The following C8orf34 variants were observed in gnomAD, a reference collection of about 807,000 sequenced individuals.
The protein encoded by C8orf34 is chromosome 8 open reading frame 34.
Under a neutral mutation model 68.3 loss-of-function variants are expected in C8orf34, and 65 were observed. That is an observed-to-expected ratio of 0.95 (90% CI 0.78 to 1.17). The LOEUF (loss-of-function observed/expected upper bound fraction) is 1.17. C8orf34 is among the 50% of genes most tolerant of loss of function. The pLI is 0.00. For synonymous variants in C8orf34, 244 were observed against 241.2 expected, an observed-to-expected ratio of 1.01 and a Z score of -0.11; for missense variants, 664 against 655.4, an observed-to-expected ratio of 1.01 and a Z score of -0.14.
intron 11 of C8orf34, among the ~76,000 whole-genome samples, chr8:68,783,350 T>C (rs999947768): frequency 1.3e-5 from 2 of 151,708 alleles, no homozygotes; most frequent in Admixed American, 6.6e-5. Context: ...AAACCCCGTC[T>C]CTACTAAAAA....
chr8:68,634,231 T>A (rs181542882), intron 7 of C8orf34, among the ~76,000 whole-genome samples: 2 of 152,344 alleles, frequency 1.3e-5, no homozygotes, highest in African/African-American at 4.8e-5. Context: ...ATCTTTCACA[T>A]TGGAATTTCA....
At chr8:68,620,275 C>T (rs879630230) in intron 7 of C8orf34, among the ~76,000 whole-genome samples, 10 of 152,082 alleles carry the variant, frequency 6.6e-5, no homozygotes, top group East Asian at 1.9e-4. Context: ...CTTAATGAGG[C>T]GCAAAGGGAC....
intron 3 of C8orf34, among the ~76,000 whole-genome samples, chr8:68,461,872 A>C (rs1210101166): frequency 6.6e-6 from 1 of 152,212 alleles, no homozygotes; most frequent in Non-Finnish European, 1.5e-5. Context: ...GCTAGGAAGA[A>C]ACTGCATCAA....
At chr8:68,749,246 G>A (rs1279804379) in intron 10 of C8orf34, among the ~76,000 whole-genome samples, 1 of 152,182 alleles carries the variant, frequency 6.6e-6, no homozygotes, top group South Asian at 2.1e-4. Flanking sequence ...GTGGGGTGGG[G>A]GGAGCGGGGA....
chr8:68,478,008 T>C (rs1351588175), intron 4 of C8orf34, among the ~76,000 whole-genome samples: 1 of 152,196 alleles, frequency 6.6e-6, no homozygotes, highest in African/African-American at 2.4e-5. Flanking sequence ...GGGGCTGCCA[T>C]GAATACCTCT....
rs142511995 is a variant in C8orf34, at chr8:68,605,877, G to A, written c.1106-34499G>A. On this transcript the variant is annotated intron_variant, in intron 7 of 13. Transcript: ENST00000518698. ...CCCTAATGCAAACTATGGACTTTGGGTGATGATGATGTGTTAATGTAGGTC... is the reference window on the plus strand; with the variant it reads ...CCCTAATGCAAACTATGGACTTTGGATGATGATGATGTGTTAATGTAGGTC... Among the ~76,000 whole-genome samples the A allele has an allele frequency of 1.2e-3, 180 of 152,204 alleles. 3 individuals carry two copies. In the Middle Eastern group the frequency reaches 0.031, roughly 26 times the overall value.
At chr8:68,454,292 G>C (rs1372601853) in intron 3 of C8orf34, among the ~76,000 whole-genome samples, 2 of 151,964 alleles carry the variant, frequency 1.3e-5, no homozygotes, top group Non-Finnish European at 2.9e-5. Flanking sequence ...AAATCAGAAT[G>C]TGTTCCCTGT....
chr8:68,662,416 G>A (rs370431691), intron 8 of C8orf34, among the ~76,000 whole-genome samples: 1 of 152,156 alleles, frequency 6.6e-6, no homozygotes, highest in African/African-American at 2.4e-5. Context: ...CTCACCTTGA[G>A]TTATAATAAT....
intron 5 of C8orf34, among the ~76,000 whole-genome samples, chr8:68,503,566 A>G (rs141529665): frequency 0.021 from 3,205 of 152,292 alleles, 47 homozygotes; most frequent in Non-Finnish European, 0.034. Context: ...AAGATAGGAA[A>G]GAAGGGGAGA....
At chr8:68,403,437 A>C (rs1809047335) in intron 1 of C8orf34, among the ~76,000 whole-genome samples, 1 of 152,118 alleles carries the variant, frequency 6.6e-6, no homozygotes, top group Admixed American at 6.6e-5. Flanking sequence ...CAAAACGTGC[A>C]GGTTTGTTAC....
intron 1 of C8orf34, among the ~76,000 whole-genome samples, chr8:68,358,712 T>A (rs1359340650): frequency 2.8e-5 from 4 of 142,384 alleles, no homozygotes; most frequent in African/African-American, 8.8e-5. Context: ...CATATTTATT[T>A]ATTTTTTTTT....
chr8:68,623,784 C>T (rs1232701090), intron 7 of C8orf34, among the ~76,000 whole-genome samples: 1 of 151,938 alleles, frequency 6.6e-6, no homozygotes, highest in Non-Finnish European at 1.5e-5. Flanking sequence ...TATAAGGACA[C>T]TAATCCTATT....
At chr8:68,680,593 A>G (rs1173739904) in intron 8 of C8orf34, among the ~76,000 whole-genome samples, 1 of 152,170 alleles carries the variant, frequency 6.6e-6, no homozygotes, top group African/African-American at 2.4e-5. Flanking sequence ...CAAAAAGCAG[A>G]ACTACTAATA....
At chr8:68,733,012 TGAG>T (rs1554603969) in intron 10 of C8orf34, among the ~76,000 whole-genome samples, 4 of 152,108 alleles carry the variant, frequency 2.6e-5, no homozygotes, top group Non-Finnish European at 4.4e-5. Context: ...TGCAGTGAGC[TGAG>T]ATCACCCCAC....
chr8:68,690,002 G>T (rs1258734696), intron 8 of C8orf34, among the ~76,000 whole-genome samples: 3 of 151,738 alleles, frequency 2.0e-5, no homozygotes, highest in African/African-American at 4.8e-5. Context: ...TCAAATTGCT[G>T]GTCTTATTTT....
intron 8 of C8orf34, among the ~76,000 whole-genome samples, chr8:68,658,085 A>G (rs1638426589): frequency 6.6e-6 from 1 of 152,152 alleles, no homozygotes; most frequent in Non-Finnish European, 1.5e-5. Flanking sequence ...CCCCACATAT[A>G]CTTTTTCCAT....
chr8:68,686,782 A>G (rs1401730304), intron 8 of C8orf34, among the ~76,000 whole-genome samples: 1 of 152,206 alleles, frequency 6.6e-6, no homozygotes, highest in Non-Finnish European at 1.5e-5. Flanking sequence ...CAGGGCAATC[A>G]GGCAAGAGAA....
intron 8 of C8orf34, among the ~76,000 whole-genome samples, chr8:68,663,788 G>C (rs1819756743): frequency 6.6e-6 from 1 of 152,160 alleles, no homozygotes; most frequent in South Asian, 2.1e-4. Flanking sequence ...GATGGTCCCT[G>C]ACTTAAGATG....
chr8:68,750,204 G>C (rs947320837), intron 10 of C8orf34, among the ~76,000 whole-genome samples: 1 of 152,014 alleles, frequency 6.6e-6, no homozygotes, highest in Non-Finnish European at 1.5e-5. Context: ...TAATAAACAA[G>C]AGCTGTAAAT....
Sources: gnomAD v4.1 joint callset for allele counts (sites outside exome capture counted in the v4.1 genomes callset) on GRCh38, gnomAD v4.1.1 for gene constraint, MANE v1.5 for transcripts, NCBI Gene and HGNC (gene_info 2026-07-23, HGNC 2026-07-21) for gene names.